IFT52: variants seen among roughly 807,000 people sequenced by gnomAD.
The protein encoded by IFT52 is intraflagellar transport 52.
Under a neutral mutation model 54.4 loss-of-function variants are expected in IFT52, and 44 were observed. The observed-to-expected ratio is 0.81, with a 90% CI of 0.63 to 1.04. The LOEUF (loss-of-function observed/expected upper bound fraction) is 1.04. Among genes scored for constraint, IFT52 ranks in the 50% least tolerant of loss-of-function variants. IFT52 has a pLI of 0.00. For missense variants in IFT52, 452 were observed against 523.6 expected (o/e 0.86, Z 1.33); for synonymous variants, 181 against 185.3 (o/e 0.98, Z 0.19).
chr20:43,601,307 C>T (rs2145593738), intron 3 of IFT52, among the ~76,000 whole-genome samples: 2 of 152,234 alleles, frequency 1.3e-5, no homozygotes, highest in South Asian at 4.2e-4. Flanking sequence ...ACATTTGCTG[C>T]CACACTAACA....
intron 10 of IFT52, among the ~76,000 whole-genome samples, chr20:43,634,515 C>T (rs1004928080): frequency 9.2e-5 from 14 of 152,102 alleles, no homozygotes; most frequent in Non-Finnish European, 1.5e-4. Context: ...TTGAAATCCC[C>T]TTGAAATACG....
intron 12 of IFT52, among the ~76,000 whole-genome samples, chr20:43,641,261 G>A (rs893236216): frequency 6.6e-6 from 1 of 151,916 alleles, no homozygotes; most frequent in Admixed American, 6.6e-5. Context: ...TGCTCTTGTT[G>A]CCCAGGCTGG....
intron 12 of IFT52, 100 bp from the exon 13 acceptor site, chr20:43,642,379 A>T: frequency 9.4e-7 from 1 of 1,063,956 alleles, no homozygotes; most frequent in East Asian, 2.4e-5. Context: ...ATCTTAGGAA[A>T]TGTGGAAACA....
At chr20:43,622,814 A>C (rs1358681829) in intron 9 of IFT52, among the ~76,000 whole-genome samples, 9 of 148,860 alleles carry the variant, frequency 6.0e-5, no homozygotes, top group African/African-American at 2.2e-4. Flanking sequence ...GTAAATATAA[A>C]TATATACATA....
At chr20:43,640,036 C>T (rs1985809942) in intron 12 of IFT52, among the ~76,000 whole-genome samples, 1 of 151,234 alleles carries the variant, frequency 6.6e-6, no homozygotes, top group Non-Finnish European at 1.5e-5. Flanking sequence ...TGGTGGCTCA[C>T]TCCTGTAGTA....
chr20:43,620,050 G>T (rs1451717547), intron 8 of IFT52, among the ~76,000 whole-genome samples: 2 of 150,374 alleles, frequency 1.3e-5, no homozygotes, highest in African/African-American at 4.9e-5. Context: ...CTGAGTAGCT[G>T]GGATTATAGG....
At chr20:43,631,344 TCTG>T (rs1223018461) in intron 10 of IFT52, among the ~76,000 whole-genome samples, 2 of 152,184 alleles carry the variant, frequency 1.3e-5, no homozygotes, top group Non-Finnish European at 2.9e-5. Context: ...TCTGTGGAGA[TCTG>T]CTGCTCAGTG....
In IFT52 at chr20:43,647,050, T is replaced by C; in HGVS notation, c.*67T>C. ...CTTTGTAAACTATTTTCAAATTGTT[T>C]TTCAACTCCTTATCAAAATTGTTTA... On this transcript the variant is annotated 3_prime_UTR_variant, in exon 14 of 14. Coordinates refer to ENST00000373030, the MANE Select transcript of IFT52 (RefSeq NM_016004.5). 7.3e-7 allele frequency: 1 copy of C among 1,368,714 alleles called. No individual in the cohort carries two copies. Among genetic ancestry groups the C allele is most frequent in the Non-Finnish European group, 1.0e-6 (1 of 957,738 alleles). The allele number at this position is 1,368,714 out of a possible 1,614,324, so 84.8% of individuals were successfully genotyped here. A position where few individuals can be genotyped will look rare whatever the true frequency, so the allele number is the denominator to read the frequency against.
intron 1 of IFT52, among the ~76,000 whole-genome samples, chr20:43,594,344 T>C (rs6030975): frequency 0.86 from 131,518 of 152,154 alleles, 57,100 homozygotes; most frequent in African/African-American, 0.95. Context: ...GACTATACCC[T>C]GCGCTTAACA....
intron 6 of IFT52, among the ~76,000 whole-genome samples, chr20:43,607,910 C>T (rs912089091): frequency 1.3e-5 from 2 of 152,180 alleles, no homozygotes; most frequent in Non-Finnish European, 2.9e-5. Context: ...CTCGGGAGGC[C>T]GAGGCTGGGG....
At chr20:43,594,471 G>C (rs966106461) in intron 1 of IFT52, among the ~76,000 whole-genome samples, 1 of 152,182 alleles carries the variant, frequency 6.6e-6, no homozygotes, top group African/African-American at 2.4e-5. Flanking sequence ...GAGGCAGAAA[G>C]CAAAAGCGGG....
At chr20:43,592,125 C>T (rs185990221) in intron 1 of IFT52, among the ~76,000 whole-genome samples, 149 of 152,228 alleles carry the variant, frequency 9.8e-4, no homozygotes, top group African/African-American at 3.4e-3. Flanking sequence ...GAGGCCAAAG[C>T]GGGTGGATCA....
At chr20:43,605,237 C>G in intron 6 of IFT52, 164 bp downstream of exon 6, 2 of 1,413,322 alleles carry the variant, frequency 1.4e-6, no homozygotes, top group Non-Finnish European at 1.8e-6. Flanking sequence ...GCTCCTCCCC[C>G]TGAAGGTAGT....
chr20:43,593,684 C>T (rs1312624761), intron 1 of IFT52, among the ~76,000 whole-genome samples: 2 of 152,104 alleles, frequency 1.3e-5, no homozygotes, highest in African/African-American at 4.8e-5. Flanking sequence ...ATCCTTTCAC[C>T]TCAGCCTCCC....
intron 8 of IFT52, 119 bp downstream of exon 8, chr20:43,619,145 C>A: frequency 1.4e-6 from 1 of 694,542 alleles, no homozygotes; most frequent in Non-Finnish European, 2.4e-6. Flanking sequence ...CATTATATGC[C>A]AGGCACTGAG....
chr20:43,627,025 G>A (rs1212911596), intron 10 of IFT52, among the ~76,000 whole-genome samples: 1 of 152,006 alleles, frequency 6.6e-6, no homozygotes, highest in Non-Finnish European at 1.5e-5. Context: ...AAAGTAGCTA[G>A]GCATGGTGGC....
rs768728172 is a variant in IFT52, at chr20:43,642,586, G to A, written c.1228G>A (p.Val410Ile). The A allele has an allele frequency of 1.1e-5, 17 of 1,614,124 alleles. No individual in the cohort carries two copies. Among genetic ancestry groups the A allele is most frequent in the Middle Eastern group, 1.6e-4 (1 of 6,062 alleles). ...QQDAKHILEH[V>I]FFQVVEFKKL... ...GGATGCCAAACATATCCTTGAGCAC[G>A]TCTTCTTCCAAGTGGTGGAGTTCAA... The change falls in exon 13 of 14, where the codon GTC becomes ATC. Residue 410 changes from valine (V) to isoleucine (I), a missense_variant. Coordinates refer to ENST00000373030, the MANE Select transcript of IFT52 (RefSeq NM_016004.5).
At position 43,598,533 on chromosome 20, in the gene IFT52, A is replaced by G. The variant is rs186307444; in HGVS notation, c.207+2011A>G. 8.2e-4 allele frequency among the ~76,000 whole-genome samples: 125 copies of G among 152,194 alleles called. 1 individual carries two copies. The highest frequency in any genetic ancestry group is 2.8e-3 in the African/African-American group (116 of 41,530). On this transcript the variant is annotated intron_variant, in intron 3 of 13. Coordinates refer to ENST00000373030, the MANE Select transcript of IFT52 (RefSeq NM_016004.5). Reference sequence around the variant, plus strand: ...AACATGGTGAAACCTCATCTCTACTAAAAATACAAAAATTAGCCGGGCTTG... The same window carrying G: ...AACATGGTGAAACCTCATCTCTACTGAAAATACAAAAATTAGCCGGGCTTG...
At chr20:43,619,766 C>T (rs1031112406) in intron 8 of IFT52, among the ~76,000 whole-genome samples, 2 of 152,010 alleles carry the variant, frequency 1.3e-5, no homozygotes, top group African/African-American at 4.8e-5. Flanking sequence ...CAGCATGTGC[C>T]AGAGCTGTCC....
Sources: gnomAD v4.1 joint callset for allele counts (sites outside exome capture counted in the v4.1 genomes callset) on GRCh38, gnomAD v4.1.1 for gene constraint, MANE v1.5 for transcripts, NCBI Gene and HGNC (gene_info 2026-07-23, HGNC 2026-07-21) for gene names.